DNAJB14: variants seen among roughly 807,000 people sequenced by gnomAD.
The protein encoded by DNAJB14 is dnaJ homolog subfamily B member 14.
In DNAJB14, 22 loss-of-function variants were observed where a neutral mutation model predicts 48.4. That is an observed-to-expected ratio of 0.45 (90% CI 0.32 to 0.65). The LOEUF (loss-of-function observed/expected upper bound fraction) is 0.65. Ranked by LOEUF, DNAJB14 falls within the 30% of genes least tolerant of loss-of-function variation. The pLI, the probability that DNAJB14 is intolerant of heterozygous loss-of-function variation, is 0.03. For missense variants in DNAJB14, 319 were observed against 458.8 expected, an observed-to-expected ratio of 0.70 and a Z score of 2.78; for synonymous variants, 142 against 158.7, an observed-to-expected ratio of 0.89 and a Z score of 0.79.
intron 2 of DNAJB14, chr4:99,924,301 A>C (rs1447072038): frequency 6.7e-6 from 1 of 148,580 alleles, no homozygotes; most frequent in Non-Finnish European, 1.5e-5. Context: ...AAGAAAAGAG[A>C]CAAGATTTTT....
At chr4:99,942,148 CTG>C (rs1726910607) in intron 1 of DNAJB14, 1 of 151,874 alleles carries the variant, frequency 6.6e-6, no homozygotes, top group Non-Finnish European at 1.5e-5. Flanking sequence ...AGAAAAAGGA[CTG>C]TTTAAATTGC....
chr4:99,942,552 A>G (rs1319753289), intron 1 of DNAJB14: 6 of 152,092 alleles, frequency 3.9e-5, no homozygotes, highest in Non-Finnish European at 8.8e-5. Context: ...ATACTTTAAA[A>G]TATTTGAAAG....
intron 3 of DNAJB14, among the ~76,000 whole-genome samples, chr4:99,920,279 T>C (rs1167831225): frequency 6.6e-6 from 1 of 152,234 alleles, no homozygotes; most frequent in African/African-American, 2.4e-5. Context: ...ATTCTCTCAC[T>C]GTATTTCTCT....
chr4:99,943,403 A>T (rs1246882956), intron 1 of DNAJB14, among the ~76,000 whole-genome samples: 2 of 152,180 alleles, frequency 1.3e-5, no homozygotes, highest in Non-Finnish European at 2.9e-5. Context: ...GTATCTTATA[A>T]TATCTTTTAG....
intron 1 of DNAJB14, among the ~76,000 whole-genome samples, chr4:99,937,923 TA>T (rs373465440): frequency 0.034 from 4,089 of 119,930 alleles, 135 homozygotes; most frequent in African/African-American, 0.09. Context: ...TCTATTTATT[TA>T]AAAAAAAAAA....
chr4:99,915,417 G>A (rs565457549), intron 3 of DNAJB14, among the ~76,000 whole-genome samples: 43 of 152,246 alleles, frequency 2.8e-4, no homozygotes, highest in African/African-American at 1.0e-3. Flanking sequence ...GATCACAGGC[G>A]TGAGCCACTG....
rs1167945149 is a variant in DNAJB14, at chr4:99,934,789, C to CAAAAAAAAAAAAAAAAAAAA, written c.134-4188_134-4169dup. Among the ~76,000 whole-genome samples the CAAAAAAAAAAAAAAAAAAAA allele has an allele frequency of 3.0e-4, 2 of 6,776 alleles. 1 individual carries two copies. The highest frequency in any genetic ancestry group is 4.9e-4 in the Non-Finnish European group (2 of 4,104). 4.4% of individuals were successfully genotyped at this position (6,776 alleles called of 152,430 possible). A position where few individuals can be genotyped will look rare whatever the true frequency, so the allele number is the denominator to read the frequency against. On this transcript the variant is annotated intron_variant, in intron 1 of 7. Coordinates refer to ENST00000442697, the MANE Select transcript of DNAJB14 (RefSeq NM_001031723.4). ...CCTGGGTGACAGAGCAAGACTGTCTCAAAAAAAAAAAAAAAAAAAAAAAAA... is the reference window on the plus strand; with the variant it reads ...CCTGGGTGACAGAGCAAGACTGTCTCAAAAAAAAAAAAAAAAAAAAAAAAAAAAAAAAAAAAAAAAAAAAA...
At chr4:99,903,413 T>C (rs1307946845) in intron 7 of DNAJB14, among the ~76,000 whole-genome samples, 2 of 152,052 alleles carry the variant, frequency 1.3e-5, no homozygotes, top group Non-Finnish European at 2.9e-5. Context: ...GCCAGGATAT[T>C]TTTTGTTTCT....
chr4:99,922,700 T>C (rs1239102838), intron 3 of DNAJB14: 1 of 163,484 alleles, frequency 6.1e-6, no homozygotes, highest in Non-Finnish European at 1.3e-5. Context: ...AAAAACTATA[T>C]TTTGCTTTTA....
At chr4:99,901,977 T>G (rs1725308819) in intron 7 of DNAJB14, among the ~76,000 whole-genome samples, 1 of 152,186 alleles carries the variant, frequency 6.6e-6, no homozygotes, top group Non-Finnish European at 1.5e-5. Context: ...GTATTCCATT[T>G]GTAAAGATCT....
intron 2 of DNAJB14, 136 bp downstream of exon 2, chr4:99,930,314 G>T: frequency 1.2e-6 from 1 of 811,502 alleles, no homozygotes; most frequent in Non-Finnish European, 1.8e-6. Context: ...AGAATATGAA[G>T]CATAAGACAC....
chr4:99,935,340 C>T (rs140606258), intron 1 of DNAJB14, among the ~76,000 whole-genome samples: 4 of 152,212 alleles, frequency 2.6e-5, no homozygotes, highest in East Asian at 1.9e-4. Context: ...GGAAAGAAAA[C>T]GTACAGCAAA....
chr4:99,946,449 G>A lies in DNAJB14; in HGVS notation c.123C>T (p.Pro41=), dbSNP rs1348053822. 7 of 1,612,684 alleles carry A rather than the reference G, an allele frequency of 4.3e-6. No homozygotes were observed. The highest frequency in any genetic ancestry group is 1.3e-5 in the African/African-American group (1 of 74,932). Reference sequence around the variant, plus strand: ...ACGCTGAGGTCTCACCGCGGGCCGAGGGCAGTGGGTAGAGCTTCTCGGCCT... The same window carrying A: ...ACGCTGAGGTCTCACCGCGGGCCGAAGGCAGTGGGTAGAGCTTCTCGGCCT... ...LQKAEKLYPL[P]SARALLEIIM... is the part of the protein sequence containing the mutation. The change falls in exon 1 of 8, where the codon CCC becomes CCT. Residue 41 remains proline, a synonymous_variant. Coordinates refer to ENST00000442697, the MANE Select transcript of DNAJB14 (RefSeq NM_001031723.4).
chr4:99,908,811 G>T lies in DNAJB14; in HGVS notation c.537C>A (p.Asn179Lys), dbSNP rs367920312. ...AATTAAATCTGCCATTGTTTTGGTG[G>T]TTACATGCTTGTTCTTCATTGCCCG... Reference protein sequence around the residue: ...DLTGNEEQACNHQNNGRFNFH... With the variant: ...DLTGNEEQACKHQNNGRFNFH... The change falls in exon 4 of 8, where the codon AAC becomes AAA. Residue 179 changes from asparagine to lysine, a missense_variant. Asn to Lys is a moderately conservative substitution (Grantham distance 94, BLOSUM62 0). This residue lies in a region of DNAJB14 where 37 missense variants were observed against 87.8 expected (regional missense o/e 0.42). Transcript: ENST00000442697. 6.2e-7 allele frequency: 1 copy of T among 1,611,826 alleles called. No homozygotes were observed. The highest frequency in any genetic ancestry group is 2.2e-5 in the East Asian group (1 of 44,676).
chr4:99,911,893 G>C (rs1223932237), intron 3 of DNAJB14, among the ~76,000 whole-genome samples: 1 of 151,692 alleles, frequency 6.6e-6, no homozygotes, highest in Non-Finnish European at 1.5e-5. Context: ...AAATCTTAAA[G>C]TCCAACTTAA....
At chr4:99,942,876 C>T (rs972956295) in intron 1 of DNAJB14, among the ~76,000 whole-genome samples, 4 of 152,112 alleles carry the variant, frequency 2.6e-5, no homozygotes, top group Non-Finnish European at 5.9e-5. Context: ...TCCAGACGAA[C>T]ATTCAGTCAA....
chr4:99,946,566 C>T lies in DNAJB14; in HGVS notation c.6G>A (p.Glu2=), dbSNP rs2110230958. Residue 2 remains glutamate (E), a synonymous_variant, in exon 1 of 8, where the codon GAG becomes GAA. Coordinates refer to ENST00000442697, the MANE Select transcript of DNAJB14 (RefSeq NM_001031723.4). M[E]GNRDEAEKCV... is the part of the protein sequence containing the mutation. Reference sequence around the variant, plus strand: ...ATTTCTCAGCCTCATCCCTGTTCCCCTCCATAGCTTGCTCCTTCTTCCGTT... The same window carrying T: ...ATTTCTCAGCCTCATCCCTGTTCCCTTCCATAGCTTGCTCCTTCTTCCGTT... 8.7e-6 allele frequency: 14 copies of T among 1,613,596 alleles called. No individual in the cohort carries two copies. The highest frequency in any genetic ancestry group is 1.7e-4 in the Middle Eastern group (1 of 6,060).
At chr4:99,933,172 A>G (rs11732776) in intron 1 of DNAJB14, among the ~76,000 whole-genome samples, 66,953 of 151,768 alleles carry the variant, frequency 0.44, 15,917 homozygotes, top group African/African-American at 0.63. Flanking sequence ...TCAATAAAGC[A>G]TGTATATATA....
chr4:99,936,475 C>T (rs1247033385), intron 1 of DNAJB14, among the ~76,000 whole-genome samples: 1 of 152,142 alleles, frequency 6.6e-6, no homozygotes, highest in Non-Finnish European at 1.5e-5. Flanking sequence ...TACATACATG[C>T]ATTCACGCAT....
Sources: gnomAD v4.1 joint callset for allele counts (sites outside exome capture counted in the v4.1 genomes callset) on GRCh38, gnomAD v4.1.1 for gene constraint, gnomAD v4.1.1 regional missense constraint, MANE v1.5 for transcripts, NCBI Gene and HGNC (gene_info 2026-07-23, HGNC 2026-07-21) for gene names.